The following FXYD3 variants were observed in gnomAD, a reference collection of about 807,000 sequenced individuals.
FXYD3 encodes the protein FXYD domain containing ion transport regulator 3.
Under a neutral mutation model 19.2 loss-of-function variants are expected in FXYD3, and 13 were observed. The observed-to-expected ratio is 0.68, with a 90% CI of 0.44 to 1.08. The LOEUF (loss-of-function observed/expected upper bound fraction) is 1.08, where lower values mean the gene tolerates loss of function less well. FXYD3 is among the 50% of genes least tolerant of loss of function. The pLI, the probability that FXYD3 is intolerant of heterozygous loss-of-function variation, is 0.00. For synonymous variants in FXYD3, 48 were observed against 38.9 expected, an observed-to-expected ratio of 1.23 and a Z score of -0.87; for missense variants, 101 against 109.4, an observed-to-expected ratio of 0.92 and a Z score of 0.34.
intron 1 of FXYD3, 56 bp from the exon 2 acceptor site, chr19:35,116,208 A>G (rs1007933881): frequency 1.0e-6 from 1 of 985,300 alleles, no homozygotes; most frequent in African/African-American, 1.7e-5. Context: ...TCTCTTTAAG[A>G]GCAGGAATGG....
rs539963614 is a variant in FXYD3, at chr19:35,116,169, C to T, written c.-110-95C>T. 2.8e-3 allele frequency: 2,718 copies of T among 972,614 alleles called. 4 individuals carry two copies. The highest frequency in any genetic ancestry group is 3.2e-3 in the Non-Finnish European group (2,619 of 818,204). The allele number at this position is 972,614 out of a possible 1,614,324, so 60.2% of individuals were successfully genotyped here. On this transcript the variant is annotated intron_variant, in intron 1 of 8. Coordinates refer to ENST00000604404, the MANE Select transcript of FXYD3 (RefSeq NM_005971.4). The stretch of plus-strand genomic sequence containing the variant: ...CTGGTGACCCCAGGGAGCAACCTGC[C>T]GCCCATGGCTGGGGAGGGGGTGAAG...
Position 35,122,418 on chromosome 19 carries a change from G to C in FXYD3, c.98-347G>C, listed in dbSNP as rs139752184. ...GATCCGCCCACCTTGGCCTCCCAAA[G>C]TGCTGGGATATCAGGCGTGAGCCAC... On this transcript the variant is annotated intron_variant, in intron 5 of 8. Coordinates refer to ENST00000604404, the MANE Select transcript of FXYD3 (RefSeq NM_005971.4). Among the ~76,000 whole-genome samples, 160 of 152,326 alleles carry C rather than the reference G, an allele frequency of 1.1e-3. 2 individuals carry two copies. In the East Asian group the frequency reaches 0.022, roughly 21 times the overall value.
intron 8 of FXYD3, 58 bp downstream of exon 8, chr19:35,123,366 G>GTGTA: frequency 6.2e-7 from 1 of 1,605,476 alleles, no homozygotes; most frequent in South Asian, 1.1e-5. Context: ...GTGTGTGTGT[G>GTGTA]TATGTGTGTG....
In FXYD3 at chr19:35,121,967, A is replaced by T. The variant is rs186342426; in HGVS notation, c.97+722A>T. The T allele has an allele frequency of 5.6e-3, 853 of 153,236 alleles. 6 individuals carry two copies. Among genetic ancestry groups the T allele is most frequent in the Non-Finnish European group, 8.7e-3 (599 of 68,820 alleles). The allele number at this position is 153,236 out of a possible 1,614,324, so 9.5% of individuals were successfully genotyped here. A position where few individuals can be genotyped will look rare whatever the true frequency, so the allele number is the denominator to read the frequency against. ...TGCCTCAGCCTCCTGAATAGCTGGG[A>T]CTGCAGGCATACACCACCATGCCTG... On this transcript the variant is annotated intron_variant, in intron 5 of 8. Transcript: ENST00000604404.
Position 35,118,686 on chromosome 19 carries a change from G to A in FXYD3, c.-14-677G>A, listed in dbSNP as rs78711782. 324 of 533,682 alleles carry A rather than the reference G, an allele frequency of 6.1e-4. 1 individual carries two copies. In the African/African-American group the frequency reaches 6.3e-3, roughly 10 times the overall value. 33.1% of individuals were successfully genotyped at this position (533,682 alleles called of 1,614,324 possible). A position where few individuals can be genotyped will look rare whatever the true frequency, so the allele number is the denominator to read the frequency against. On this transcript the variant is annotated intron_variant, in intron 2 of 8. Transcript: ENST00000604404. ...GGCATGGGTGTGGGATGAGGGGCAGGAGGTTCGGGGGAACAGAGATGGAGC... is the reference window on the plus strand; with the variant it reads ...GGCATGGGTGTGGGATGAGGGGCAGAAGGTTCGGGGGAACAGAGATGGAGC...
At chr19:35,119,821 C>G (rs4806091) in intron 3 of FXYD3, 10,616 of 192,794 alleles carry the variant, frequency 0.055, 367 homozygotes, top group Non-Finnish European at 0.076. Context: ...CAGGCACACG[C>G]CACCATGCCC....
intron 3 of FXYD3, 91 bp from the exon 4 acceptor site, chr19:35,120,986 TC>T (rs1355732894): frequency 1.4e-6 from 2 of 1,408,606 alleles, no homozygotes; most frequent in Non-Finnish European, 2.0e-6. Context: ...GGAGACCCTT[TC>T]CCAAGGCCCC....
At chr19:35,117,244 C>T (rs1688021) in intron 2 of FXYD3, 588,756 of 1,478,132 alleles carry the variant, frequency 0.4, 120,095 homozygotes, top group South Asian at 0.47. Context: ...TGGGACTGGA[C>T]GTTGTTTTGC....
chr19:35,119,677 T>TG (rs2064994844), intron 3 of FXYD3: 1 of 461,170 alleles, frequency 2.2e-6, no homozygotes. Context: ...TTGTTTTTGT[T>TG]TTTGTTTTTG....
intron 6 of FXYD3, 24 bp downstream of exon 6, chr19:35,122,863 C>T (rs1422498079): frequency 6.2e-7 from 1 of 1,613,754 alleles, no homozygotes; most frequent in African/African-American, 1.3e-5. Context: ...CTCGGGGGAG[C>T]AGGCGGGCCG....
At position 35,122,581 on chromosome 19, in the gene FXYD3, G is replaced by A. The variant is rs986860203; in HGVS notation, c.98-184G>A. On this transcript the variant is annotated intron_variant, in intron 5 of 8. Transcript: ENST00000604404. The stretch of plus-strand genomic sequence containing the variant: ...CACTTATCTCTGCCTGACCCTGCAC[G>A]ACAGATCGTGTTTGCTGGTGTGTGA... The A allele has an allele frequency of 1.5e-5, 9 of 608,038 alleles. No homozygotes were observed. The Admixed American group carries it at 1.7e-4, about 12-fold the overall frequency. The allele number at this position is 608,038 out of a possible 1,614,324, so 37.7% of individuals were successfully genotyped here. A position where few individuals can be genotyped will look rare whatever the true frequency, so the allele number is the denominator to read the frequency against.
chr19:35,118,820 C>T (rs2064964136), intron 2 of FXYD3, among the ~76,000 whole-genome samples: 1 of 152,184 alleles, frequency 6.6e-6, no homozygotes, highest in Non-Finnish European at 1.5e-5. Context: ...CCTGCTCAGT[C>T]CTCAGCCTGA....
chr19:35,122,835 C>T lies in FXYD3; in HGVS notation c.168C>T (p.Val56=). The T allele has an allele frequency of 6.2e-7, 1 of 1,614,012 alleles. No homozygotes were observed. The highest frequency in any genetic ancestry group is 8.5e-7 in the Non-Finnish European group (1 of 1,179,944). The change falls in exon 6 of 9, where the codon GTC becomes GTT. Residue 56 remains valine, a synonymous_variant. Transcript: ENST00000604404. ...GVLCAMGIII[V]MSAKCKCKFG... is the part of the protein sequence containing the mutation. ...TGTGCGCCATGGGCATCATCATCGT[C>T]ATGAGTGAGTGGAGGAGCTCGGGGG...
rs1418231212 is a variant in FXYD3, at chr19:35,119,410, C to T, written c.34C>T (p.Leu12=). Residue 12 remains leucine, a synonymous_variant, in exon 3 of 9, where the codon CTG becomes TTG. Transcript: ENST00000604404. ...QKVTLGLLVF[L]AGFPVLDAND... is the part of the protein sequence containing the mutation. The stretch of plus-strand genomic sequence containing the variant: ...GGTGACCCTGGGCCTGCTTGTGTTC[C>T]TGGCAGGTGAGTACCCATCCCCCGT... The T allele has an allele frequency of 6.2e-7, 1 of 1,614,032 alleles. No homozygotes were observed. Among genetic ancestry groups the T allele is most frequent in the East Asian group, 2.2e-5 (1 of 44,886 alleles).
chr19:35,122,743 G>T (rs775750805), intron 5 of FXYD3, 22 bp from the exon 6 acceptor site: 39 of 1,600,020 alleles, frequency 2.4e-5, no homozygotes, highest in Non-Finnish European at 3.2e-5. Flanking sequence ...TGGCACTGAG[G>T]TCCCCTCCAC....
intron 5 of FXYD3, chr19:35,121,533 A>C (rs932313166): frequency 7.1e-7 from 1 of 1,416,446 alleles, no homozygotes; most frequent in African/African-American, 1.4e-5. Context: ...TGTTGACTTG[A>C]GAAAACTTCC....
At chr19:35,118,463 T>G (rs1600442865) in intron 2 of FXYD3, 1 of 987,184 alleles carries the variant, frequency 1.0e-6, no homozygotes, top group Non-Finnish European at 1.2e-6. Context: ...CAGGGCTTGG[T>G]GCAGCCTTGC....
intron 7 of FXYD3, 90 bp downstream of exon 7, chr19:35,123,044 G>A: frequency 2.0e-6 from 3 of 1,484,184 alleles, no homozygotes; most frequent in Non-Finnish European, 2.7e-6. Flanking sequence ...GAGGCCTCGG[G>A]GCTCTGCCCT....
At chr19:35,121,386 C>T (rs1375718129) in intron 5 of FXYD3, 141 bp downstream of exon 5, 1 of 1,595,748 alleles carries the variant, frequency 6.3e-7, no homozygotes, top group Non-Finnish European at 8.5e-7. Flanking sequence ...CTGAATATGC[C>T]ACACAGTGGA....
Sources: allele counts gnomAD v4.1 joint callset (sites outside exome capture counted in the v4.1 genomes callset), GRCh38; gene constraint gnomAD v4.1.1; transcripts MANE v1.5; gene names NCBI Gene and HGNC (gene_info 2026-07-23, HGNC 2026-07-21).